The following GABRB1 variants were observed in gnomAD, a reference collection of about 807,000 sequenced individuals.
The protein encoded by GABRB1 is gamma-aminobutyric acid receptor subunit beta-1.
A neutral mutation model predicts 51.6 loss-of-function variants in GABRB1; 17 were observed. The ratio of observed to expected loss-of-function variants is 0.33; its 90% CI spans 0.23 to 0.49. The LOEUF (loss-of-function observed/expected upper bound fraction) is 0.49. Among genes scored for constraint, GABRB1 ranks in the 20% least tolerant of loss-of-function variants. The pLI, the probability that GABRB1 is intolerant of heterozygous loss-of-function variation, is 0.99. For missense variants in GABRB1, 410 were observed against 600.6 expected, an observed-to-expected ratio of 0.68 and a Z score of 3.32; for synonymous variants, 247 against 218.9, an observed-to-expected ratio of 1.13 and a Z score of -1.14.
intron 5 of GABRB1, among the ~76,000 whole-genome samples, chr4:47,337,363 G>A (rs2109982785): frequency 6.6e-6 from 1 of 152,264 alleles, no homozygotes; most frequent in Admixed American, 6.5e-5. Flanking sequence ...ATGTTTGTAA[G>A]GGAGAGCAAG....
chr4:47,407,131 T>C (rs1214879250), intron 8 of GABRB1, among the ~76,000 whole-genome samples: 1 of 152,224 alleles, frequency 6.6e-6, no homozygotes, highest in African/African-American at 2.4e-5. Context: ...ACCCTGGAAC[T>C]CAACCCCAAG....
chr4:47,176,486 T>C (rs1718708978), intron 4 of GABRB1, among the ~76,000 whole-genome samples: 1 of 152,088 alleles, frequency 6.6e-6, no homozygotes, highest in African/African-American at 2.4e-5. Context: ...ACAAAATACT[T>C]CTGGAGATAA....
chr4:47,154,174 G>T (rs1356209137), intron 3 of GABRB1, among the ~76,000 whole-genome samples: 2 of 151,472 alleles, frequency 1.3e-5, no homozygotes, highest in Non-Finnish European at 2.9e-5. Context: ...GGTGTTTTGT[G>T]GTTGATTACA....
At chr4:47,154,904 C>T (rs1337917922) in intron 3 of GABRB1, among the ~76,000 whole-genome samples, 1 of 152,064 alleles carries the variant, frequency 6.6e-6, no homozygotes, top group African/African-American at 2.4e-5. Flanking sequence ...TCTCTTGTAA[C>T]CTCATAATAG....
chr4:47,163,336 C>T (rs1161360219), intron 4 of GABRB1, among the ~76,000 whole-genome samples: 1 of 151,992 alleles, frequency 6.6e-6, no homozygotes, highest in African/African-American at 2.4e-5. Context: ...GGGCAAACTG[C>T]ATACTCAGGA....
intron 4 of GABRB1, among the ~76,000 whole-genome samples, chr4:47,183,794 C>G (rs1719056029): frequency 6.6e-6 from 1 of 151,880 alleles, no homozygotes. Flanking sequence ...TTCTATTCCA[C>G]TTTGAGGTCA....
intron 3 of GABRB1, 151 bp downstream of exon 3, chr4:47,032,635 C>G (rs930660639): frequency 2.6e-6 from 2 of 760,638 alleles, no homozygotes; most frequent in Admixed American, 2.0e-5. Context: ...CACACACACC[C>G]GGTCGCCCCT....
chr4:47,225,947 A>AC (rs1441922012), intron 4 of GABRB1, among the ~76,000 whole-genome samples: 1 of 151,848 alleles, frequency 6.6e-6, no homozygotes, highest in Non-Finnish European at 1.5e-5. Flanking sequence ...TCTAACTTCA[A>AC]CCCCCCACCA....
intron 1 of GABRB1, among the ~76,000 whole-genome samples, chr4:46,997,308 G>A (rs1167208353): frequency 6.6e-6 from 1 of 151,816 alleles, no homozygotes; most frequent in Non-Finnish European, 1.5e-5. Context: ...TTTTGTGTGT[G>A]AGGATCGAGT....
At chr4:47,187,513 T>C (rs1221331739) in intron 4 of GABRB1, among the ~76,000 whole-genome samples, 1 of 151,826 alleles carries the variant, frequency 6.6e-6, no homozygotes, top group East Asian at 1.9e-4. Context: ...GAAATTTGCC[T>C]TCCAGGAAAA....
chr4:47,188,473 A>C lies in GABRB1; in HGVS notation c.461+27004A>C, dbSNP rs1314522303. 3.3e-5 allele frequency among the ~76,000 whole-genome samples: 5 copies of C among 152,078 alleles called. No individual in the cohort carries two copies. The East Asian group carries it at 9.7e-4, about 29-fold the overall frequency. On this transcript the variant is annotated intron_variant, in intron 4 of 8. Transcript: ENST00000295454. ...AAGGGAATATTGTATTTTGGATGCC[A>C]AGGTAAATAATGTTGTGTTTGTTAG...
chr4:47,091,510 G>T (rs1728289907), intron 3 of GABRB1, among the ~76,000 whole-genome samples: 1 of 152,050 alleles, frequency 6.6e-6, no homozygotes, highest in Non-Finnish European at 1.5e-5. Flanking sequence ...AACCATTTTT[G>T]TGACTCTTCC....
intron 3 of GABRB1, among the ~76,000 whole-genome samples, chr4:47,035,372 T>C (rs898904325): frequency 2.0e-5 from 3 of 152,156 alleles, no homozygotes; most frequent in African/African-American, 7.2e-5. Flanking sequence ...TCAAGAATCA[T>C]TGGTTCTAAG....
At chr4:47,138,456 A>G (rs1716771627) in intron 3 of GABRB1, among the ~76,000 whole-genome samples, 1 of 152,078 alleles carries the variant, frequency 6.6e-6, no homozygotes, top group Non-Finnish European at 1.5e-5. Context: ...ACTACCCCTC[A>G]GTACGAAGGC....
At chr4:47,190,464 A>G (rs1019590004) in intron 4 of GABRB1, among the ~76,000 whole-genome samples, 1 of 152,172 alleles carries the variant, frequency 6.6e-6, no homozygotes, top group African/African-American at 2.4e-5. Flanking sequence ...ACATTATTTT[A>G]TTGATCCTTC....
intron 4 of GABRB1, among the ~76,000 whole-genome samples, chr4:47,278,771 C>G (rs1723173036): frequency 6.6e-6 from 1 of 152,142 alleles, no homozygotes; most frequent in African/African-American, 2.4e-5. Flanking sequence ...ATTTCAGTTG[C>G]CAGACCATCT....
intron 3 of GABRB1, among the ~76,000 whole-genome samples, chr4:47,137,278 C>A (rs1422279547): frequency 6.6e-6 from 1 of 151,970 alleles, no homozygotes; most frequent in Admixed American, 6.6e-5. Flanking sequence ...TGGAGGTGGT[C>A]TGATGAGCGA....
chr4:47,261,513 C>T (rs1211243278), intron 4 of GABRB1, among the ~76,000 whole-genome samples: 9 of 152,118 alleles, frequency 5.9e-5, no homozygotes, highest in Non-Finnish European at 8.8e-5. Context: ...TCAAGGAGAA[C>T]TACAAACCAC....
chr4:47,381,940 C>T (rs1727612891), intron 5 of GABRB1, among the ~76,000 whole-genome samples: 1 of 152,166 alleles, frequency 6.6e-6, no homozygotes, highest in African/African-American at 2.4e-5. Context: ...TGCGAATTTC[C>T]CCTGTATCCT....
Sources: allele counts gnomAD v4.1 joint callset (sites outside exome capture counted in the v4.1 genomes callset), GRCh38; gene constraint gnomAD v4.1.1; transcripts MANE v1.5; gene names NCBI Gene and HGNC (gene_info 2026-07-23, HGNC 2026-07-21).